The following CYP1A1 variants were observed in gnomAD, a reference collection of about 807,000 sequenced individuals.
CYP1A1 encodes the protein cytochrome P450 family 1 subfamily A member 1.
In CYP1A1, 43 loss-of-function variants were observed where a neutral mutation model predicts 33.6. The ratio of observed to expected loss-of-function variants is 1.28; its 90% CI spans 1.00 to 1.65. CYP1A1 has a LOEUF of 1.65. CYP1A1 is among the 40% of genes most tolerant of loss of function. The pLI is 0.00. For synonymous variants in CYP1A1, 280 were observed against 257.8 expected, an observed-to-expected ratio of 1.09 and a Z score of -0.83; for missense variants, 637 against 653.7, an observed-to-expected ratio of 0.97 and a Z score of 0.28.
Position 74,722,337 on chromosome 15 carries a change from A to C in CYP1A1, c.761T>G (p.Leu254Arg). 6.2e-7 allele frequency: 1 copy of C among 1,614,140 alleles called. No individual in the cohort carries two copies. Among genetic ancestry groups the C allele is most frequent in the Non-Finnish European group, 8.5e-7 (1 of 1,179,996 alleles). Residue 254 changes from leucine (L) to arginine (R), a missense_variant, in exon 2 of 7, where the codon CTG (leucine) becomes CGG (arginine). Coordinates refer to ENST00000379727, the MANE Select transcript of CYP1A1 (RefSeq NM_001319217.2). ...PNPSLNAFKD[L>R]NEKFYSFMQK... ...CATGAAGCTGTAGAACTTCTCATTC[A>C]GGTCCTTGAAGGCATTCAGGGAAGG...
At position 74,721,612 on chromosome 15, in the gene CYP1A1, C is replaced by T. The variant is rs376586536; in HGVS notation, c.931G>A (p.Val311Ile). The T allele has an allele frequency of 9.9e-6, 16 of 1,613,882 alleles. No homozygotes were observed. The South Asian group carries it at 1.2e-4, about 12-fold the overall frequency. The change falls in exon 3 of 7, where the codon GTC becomes ATC. Residue 311 changes from valine (V) to isoleucine (I), a missense_variant. Val to Ile is a conservative substitution (Grantham distance 29). Transcript: ENST00000379727. ...ATACCAGCTCCAAAGAGGTCCAAGACGATGTTAATGATCTTCTCATCTGAC... is the reference window on the plus strand; with the variant it reads ...ATACCAGCTCCAAAGAGGTCCAAGATGATGTTAATGATCTTCTCATCTGAC... ...QLSDEKIINI[V>I]LDLFGAGFDT... is the part of the protein sequence containing the mutation.
intron 1 of CYP1A1, 135 bp from the exon 2 acceptor site, chr15:74,723,261 T>G: frequency 1.8e-6 from 1 of 557,744 alleles, no homozygotes. Context: ...GAGGGTGAGG[T>G]GGGGAGAAGT....
rs779682021 is a variant in CYP1A1 at position 74,721,227 on chromosome 15, A to C, written c.1138T>G (p.Ser380Ala). 2 of 1,613,640 alleles carry C rather than the reference A, an allele frequency of 1.2e-6. No homozygotes were observed. Among genetic ancestry groups the C allele is most frequent in the Non-Finnish European group, 8.5e-7 (1 of 1,179,788 alleles). The stretch of plus-strand genomic sequence containing the variant: ...TGGGGGATGGTGAAGGGGACGAAGG[A>C]AGAGTGTCGGAAGGTCTCCAGGATG... ...AFILETFRHS[S>A]FVPFTIPHST... is the part of the protein sequence containing the mutation. Residue 380 changes from serine (S) to alanine (A), a missense_variant, in exon 5 of 7, where the codon TCC becomes GCC. Ser to Ala is a moderately conservative substitution (Grantham distance 99). Coordinates refer to ENST00000379727, the MANE Select transcript of CYP1A1 (RefSeq NM_001319217.2).
chr15:74,720,941 C>G (rs374353252), intron 6 of CYP1A1, 26 bp downstream of exon 6: 9 of 1,610,174 alleles, frequency 5.6e-6, no homozygotes, highest in Non-Finnish European at 7.6e-6. Flanking sequence ...GTGGACCCAG[C>G]CTTTCCTCTG....
intron 3 of CYP1A1, 40 bp from the exon 4 acceptor site, chr15:74,721,543 C>T (rs2063170379): frequency 1.9e-6 from 3 of 1,614,018 alleles, no homozygotes; most frequent in African/African-American, 2.7e-5. Context: ...CAGGCAGCAG[C>T]AGGTCAGGGC....
At chr15:74,721,922 C>T (rs2063173571) in intron 2 of CYP1A1, 1 of 633,410 alleles carries the variant, frequency 1.6e-6, no homozygotes, top group South Asian at 2.0e-5. Context: ...ACATTTGACA[C>T]ACAGCGTCTT....
At position 74,722,456 on chromosome 15, in the gene CYP1A1, C is replaced by T; in HGVS notation, c.642G>A (p.Leu214=). 6.2e-7 allele frequency: 1 copy of T among 1,614,062 alleles called. No individual in the cohort carries two copies. Among genetic ancestry groups the T allele is most frequent in the South Asian group, 1.1e-5 (1 of 91,070 alleles). The change falls in exon 2 of 7, where the codon CTG becomes CTA. Residue 214 remains leucine (L), a synonymous_variant. Transcript: ENST00000379727. ...TATTATTCAGGTTGACTAGGCTAAG[C>T]AGTTCTTGGTGGTTGTGGTCATAGC... ...GRRYDHNHQE[L]LSLVNLNNNF... is the part of the protein sequence containing the mutation.
chr15:74,720,679 AAG>A lies in CYP1A1; in HGVS notation c.1347_1348del (p.Phe450TrpfsTer10). ...GATACACTTCCGCTTGCCCATGCCA[AAG>A]ATAATCACCTTCTCACTTAACACCT... is the stretch of plus-strand genomic sequence containing the variant. On this transcript the variant is annotated frameshift_variant, in exon 7 of 7. Transcript: ENST00000379727. LOFTEE classifies it high-confidence loss of function. 2 of 1,614,174 alleles carry A rather than the reference AAG, an allele frequency of 1.2e-6. No individual in the cohort carries two copies. The highest frequency in any genetic ancestry group is 1.7e-6 in the Non-Finnish European group (2 of 1,180,020).
At position 74,720,604 on chromosome 15, in the gene CYP1A1, A is replaced by T. The variant is rs1471673167; in HGVS notation, c.1424T>A (p.Leu475Gln). 1 of 1,614,044 alleles carries T rather than the reference A, an allele frequency of 6.2e-7. No homozygotes were observed. Among genetic ancestry groups the T allele is most frequent in the East Asian group, 2.2e-5 (1 of 44,898 alleles). The change falls in exon 7 of 7, where the codon CTG (leucine) becomes CAG (glutamine). Residue 475 changes from leucine to glutamine, a missense_variant. Coordinates refer to ENST00000379727, the MANE Select transcript of CYP1A1 (RefSeq NM_001319217.2). ...TGGCACGCTGAATTCCACCCGTTGC[A>T]GCAGGATAGCCAGGAAGAGAAAGAC... is the stretch of plus-strand genomic sequence containing the variant. ...WEVFLFLAIL[L>Q]QRVEFSVPLG...
chr15:74,721,595 T>C lies in CYP1A1; in HGVS notation c.948A>G (p.Gly316=). 6.2e-7 allele frequency: 1 copy of C among 1,614,070 alleles called. No individual in the cohort carries two copies. Among genetic ancestry groups the C allele is most frequent in the Non-Finnish European group, 8.5e-7 (1 of 1,179,998 alleles). ...KIINIVLDLF[G]AGFDTVTTAI... ...GACACAATGGGGTAACCATACCAGC[T>C]CCAAAGAGGTCCAAGACGATGTTAA... The change falls in exon 3 of 7, where the codon GGA becomes GGG. Residue 316 remains glycine (G), a synonymous_variant. Coordinates refer to ENST00000379727, the MANE Select transcript of CYP1A1 (RefSeq NM_001319217.2).
At position 74,722,848 on chromosome 15, in the gene CYP1A1, CCACG is replaced by C. The variant is rs1245279447; in HGVS notation, c.246_249del (p.Val83TrpfsTer3). The C allele has an allele frequency of 2.5e-6, 4 of 1,614,018 alleles. No homozygotes were observed. In the African/African-American group the frequency reaches 4.0e-5, roughly 16 times the overall value. On this transcript the variant is annotated frameshift_variant, in exon 2 of 7. Transcript: ENST00000379727. LOFTEE classifies it high-confidence loss of function. Reference sequence around the variant, plus strand: ...ATGGTGTCCAGGCCGCTCAGCACCACCACGGGTGTGGAGCCAATTCGGATCTGCA... The same window carrying C: ...ATGGTGTCCAGGCCGCTCAGCACCACGGTGTGGAGCCAATTCGGATCTGCA...
rs754086281 is a variant in CYP1A1, at chr15:74,722,613, T to C, written c.485A>G (p.His162Arg). The C allele has an allele frequency of 3.1e-6, 5 of 1,613,998 alleles. No homozygotes were observed. The African/African-American group carries it at 4.0e-5, about 13-fold the overall frequency. ...ASSTSCYLEE[H>R]VSKEAEVLIS... ...CAGGACCTCAGCCTCCTTGCTCACATGCTCTTCCAGGTAGCAGGAGGTTGA... is the reference window on the plus strand; with the variant it reads ...CAGGACCTCAGCCTCCTTGCTCACACGCTCTTCCAGGTAGCAGGAGGTTGA... The change falls in exon 2 of 7, where the codon CAT becomes CGT. Residue 162 changes from histidine (H) to arginine (R), a missense_variant. By Grantham distance (29) the His-to-Arg change is conservative. Transcript: ENST00000379727.
rs1436685145 is a variant in CYP1A1 at position 74,722,372 on chromosome 15, G to A, written c.726C>T (p.Tyr242=). The A allele has an allele frequency of 6.2e-7, 1 of 1,614,096 alleles. No individual in the cohort carries two copies. ...NPADFIPILR[Y]LPNPSLNAFK... is the part of the protein sequence containing the mutation. ...AGGCATTCAGGGAAGGGTTGGGTAGGTAGCGAAGAATAGGGATGAAGTCAG... is the reference window on the plus strand; with the variant it reads ...AGGCATTCAGGGAAGGGTTGGGTAGATAGCGAAGAATAGGGATGAAGTCAG... The change falls in exon 2 of 7, where the codon TAC becomes TAT. Residue 242 remains tyrosine, a synonymous_variant. Transcript: ENST00000379727.
rs56142403 is a variant in CYP1A1 at position 74,721,399 on chromosome 15, G to A, written c.1042+15C>T. ...ACCCCTGGCACTGACCCCTTTGAAG[G>A]GAGCCACTACCTACCTAGCTCCTCT... On this transcript the variant is annotated intron_variant, in intron 4 of 6. Transcript: ENST00000379727. 1.3e-4 allele frequency: 215 copies of A among 1,614,136 alleles called. 1 individual carries two copies. Among genetic ancestry groups the A allele is most frequent in the South Asian group, 6.6e-4 (60 of 91,080 alleles).
chr15:74,721,962 T>G (rs927484537), intron 2 of CYP1A1: 6 of 600,924 alleles, frequency 1.0e-5, no homozygotes, highest in Non-Finnish European at 1.7e-5. Context: ...GTGCTCTTTA[T>G]CTTCTTTCTA....
chr15:74,723,153 A>AT, intron 1 of CYP1A1, 27 bp from the exon 2 acceptor site: 1 of 1,358,760 alleles, frequency 7.4e-7, no homozygotes, highest in Non-Finnish European at 9.9e-7. Flanking sequence ...GAAGAAAAAA[A>AT]GTCAAGCCGT....
chr15:74,724,125 C>A (rs1419565662), intron 1 of CYP1A1, among the ~76,000 whole-genome samples: 1 of 151,980 alleles, frequency 6.6e-6, no homozygotes, highest in Admixed American at 6.6e-5. Flanking sequence ...TGGCTCAATT[C>A]TCAATGAATG....
chr15:74,720,843 G>A, intron 6 of CYP1A1, 69 bp from the exon 7 acceptor site: 1 of 1,570,176 alleles, frequency 6.4e-7, no homozygotes, highest in Non-Finnish European at 8.7e-7. Flanking sequence ...TGGAGCTCCA[G>A]CCCCAAAGGA....
chr15:74,720,936 C>T (rs748587986), intron 6 of CYP1A1, 31 bp downstream of exon 6: 1 of 1,608,776 alleles, frequency 6.2e-7, no homozygotes, highest in Non-Finnish European at 8.5e-7. Context: ...AGAGGGTGGA[C>T]CCAGCCTTTC....
Sources: allele counts gnomAD v4.1 joint callset (sites outside exome capture counted in the v4.1 genomes callset), GRCh38; gene constraint gnomAD v4.1.1; transcripts MANE v1.5; gene names NCBI Gene and HGNC (gene_info 2026-07-23, HGNC 2026-07-21).